The following CDH4 variants were observed in gnomAD, a reference collection of about 807,000 sequenced individuals.
CDH4 encodes the protein cadherin 4, also known as cadherin-4.
Under a neutral mutation model 86.0 loss-of-function variants are expected in CDH4, and 33 were observed. That is an observed-to-expected ratio of 0.38 (90% CI 0.29 to 0.51). The LOEUF (loss-of-function observed/expected upper bound fraction) is 0.51. CDH4 is among the 20% of genes least tolerant of loss of function. The probability of loss-of-function intolerance (pLI) is 0.86; values close to 1 mark genes in which losing one functional copy is unlikely to be tolerated. For missense variants in CDH4, 1,114 were observed against 1,307.4 expected, an observed-to-expected ratio of 0.85 and a Z score of 2.28; for synonymous variants, 555 against 549.4, an observed-to-expected ratio of 1.01 and a Z score of -0.14.
intron 9 of CDH4, among the ~76,000 whole-genome samples, chr20:61,917,374 C>A (rs1316377198): frequency 6.6e-6 from 1 of 152,246 alleles, no homozygotes; most frequent in East Asian, 1.9e-4. Flanking sequence ...CCAGGCTCAT[C>A]CCAGGTTCTT....
At chr20:61,778,914 G>A (rs903635596) in intron 4 of CDH4, among the ~76,000 whole-genome samples, 2 of 152,150 alleles carry the variant, frequency 1.3e-5, no homozygotes, top group Admixed American at 6.5e-5. Context: ...AGCACCATGC[G>A]GGCACTGGGG....
chr20:61,577,703 G>A (rs1211706063), intron 2 of CDH4, among the ~76,000 whole-genome samples: 1 of 152,138 alleles, frequency 6.6e-6, no homozygotes. Flanking sequence ...TGGTTCTATT[G>A]TGTTCCAGAT....
chr20:61,372,483 A>G (rs2084846352), intron 2 of CDH4, among the ~76,000 whole-genome samples: 1 of 152,218 alleles, frequency 6.6e-6, no homozygotes. Context: ...GACCCACCTC[A>G]GGGGCCTGAC....
At chr20:61,437,896 C>G (rs1331965462) in intron 2 of CDH4, among the ~76,000 whole-genome samples, 1 of 152,208 alleles carries the variant, frequency 6.6e-6, no homozygotes, top group South Asian at 2.1e-4. Flanking sequence ...CCTTTTCCAT[C>G]CATCCAGGAA....
At chr20:61,626,611 G>T (rs546064113) in intron 2 of CDH4, among the ~76,000 whole-genome samples, 31 of 152,322 alleles carry the variant, frequency 2.0e-4, no homozygotes, top group Middle Eastern at 3.4e-3. Context: ...CCATTCTGCT[G>T]GGTCAGGCCT....
intron 4 of CDH4, among the ~76,000 whole-genome samples, chr20:61,823,016 A>G (rs1350387736): frequency 6.6e-6 from 1 of 152,194 alleles, no homozygotes; most frequent in Non-Finnish European, 1.5e-5. Context: ...TTAAGGAGTT[A>G]GCTAGGGCGA....
At chr20:61,672,567 A>T (rs2087402228) in intron 2 of CDH4, among the ~76,000 whole-genome samples, 1 of 152,174 alleles carries the variant, frequency 6.6e-6, no homozygotes, top group Non-Finnish European at 1.5e-5. Context: ...TCTGTGAGAA[A>T]TGAGGTGTGA....
chr20:61,418,516 T>A (rs1205188324), intron 2 of CDH4, among the ~76,000 whole-genome samples: 1 of 152,072 alleles, frequency 6.6e-6, no homozygotes, highest in Non-Finnish European at 1.5e-5. Context: ...TGGCCAAACT[T>A]TTTTGACTAA....
rs1273898292 is a variant in CDH4 at position 61,582,234 on chromosome 20, T to C, written c.170-161329T>C. On this transcript the variant is annotated intron_variant, in intron 2 of 15. Transcript: ENST00000614565. The surrounding 1 kb of genome is among the most constrained non-coding windows in gnomAD (Gnocchi z 4.2). ...TTCTTCCTAATGCCGCCTCCCCACCTCCAATCACAGAGGCACACGCGGCTT... is the reference window on the plus strand; with the variant it reads ...TTCTTCCTAATGCCGCCTCCCCACCCCCAATCACAGAGGCACACGCGGCTT... 6.6e-6 allele frequency among the ~76,000 whole-genome samples: 1 copy of C among 152,182 alleles called. No homozygotes were observed. Among genetic ancestry groups the C allele is most frequent in the Non-Finnish European group, 1.5e-5 (1 of 68,012 alleles).
intron 15 of CDH4, among the ~76,000 whole-genome samples, chr20:61,935,705 G>A (rs1196387145): frequency 6.6e-6 from 1 of 151,968 alleles, no homozygotes; most frequent in Non-Finnish European, 1.5e-5. Flanking sequence ...GGCCAACATG[G>A]TGAGACCCCC....
At chr20:61,498,117 T>C (rs2085675586) in intron 2 of CDH4, among the ~76,000 whole-genome samples, 2 of 150,644 alleles carry the variant, frequency 1.3e-5, no homozygotes, top group Admixed American at 6.6e-5. Context: ...AATGACGAGT[T>C]AATGGGTGCA....
In CDH4 at chr20:61,923,523, G is replaced by A. The variant is rs754591258; in HGVS notation, c.1447G>A (p.Gly483Arg). Residue 483 changes from glycine to arginine, a missense_variant, in exon 10 of 16, where the codon GGA becomes AGA. By Grantham distance (125) the Gly-to-Arg change is moderately radical (BLOSUM62 -2). Around this residue, in one of 3 missense-constraint regions of CDH4, gnomAD observed 705 missense variants for 914.1 expected, o/e 0.77. Coordinates refer to ENST00000614565, the MANE Select transcript of CDH4 (RefSeq NM_001794.5). ...GTCCAACCAGGCGCCCCTGGCCAGC[G>A]GAATCCAGATGTCCTTCCAGTCCAC... ...MVSNQAPLAS[G>R]IQMSFQSTAG... 1.7e-5 allele frequency: 27 copies of A among 1,614,202 alleles called. No individual in the cohort carries two copies. Among genetic ancestry groups the A allele is most frequent in the Admixed American group, 6.7e-5 (4 of 60,022 alleles).
chr20:61,726,750 C>G (rs185784747), intron 2 of CDH4, among the ~76,000 whole-genome samples: 1 of 151,740 alleles, frequency 6.6e-6, no homozygotes, highest in Non-Finnish European at 1.5e-5. Flanking sequence ...CTGCCATCAT[C>G]GTCACCATCG....
At position 61,417,509 on chromosome 20, in the gene CDH4, A is replaced by G. The variant is rs1048855995; in HGVS notation, c.169+162572A>G. Among the ~76,000 whole-genome samples the G allele has an allele frequency of 1.3e-5, 2 of 152,172 alleles. No individual in the cohort carries two copies. The highest frequency in any genetic ancestry group is 1.5e-5 in the Non-Finnish European group (1 of 68,022). On this transcript the variant is annotated intron_variant, in intron 2 of 15. Coordinates refer to ENST00000614565, the MANE Select transcript of CDH4 (RefSeq NM_001794.5). This position sits in a 1 kb window ranked among gnomAD's most constrained non-coding sequence, Gnocchi z 4.0. ...TTGGGTCCGGAGTTGGGAGTTGGGA[A>G]TCGGGCCATCGGAACATCTCCCCTT... is the stretch of plus-strand genomic sequence containing the variant.
chr20:61,602,860 T>C (rs1038672853), intron 2 of CDH4, among the ~76,000 whole-genome samples: 6 of 152,208 alleles, frequency 3.9e-5, no homozygotes, highest in African/African-American at 1.2e-4. Context: ...GGGCATTTAC[T>C]TGATGAACGT....
intron 2 of CDH4, among the ~76,000 whole-genome samples, chr20:61,387,376 A>T (rs1381883428): frequency 3.3e-5 from 5 of 152,088 alleles, no homozygotes; most frequent in African/African-American, 1.2e-4. Context: ...ACACACAGCC[A>T]CACAAACATA....
chr20:61,565,892 G>A (rs1399907674), intron 2 of CDH4, among the ~76,000 whole-genome samples: 1 of 152,086 alleles, frequency 6.6e-6, no homozygotes. Flanking sequence ...CTGGGGTGAG[G>A]GTGTCTGCAT....
At chr20:61,794,060 G>A (rs536558101) in intron 4 of CDH4, among the ~76,000 whole-genome samples, 122 of 143,148 alleles carry the variant, frequency 8.5e-4, no homozygotes, top group African/African-American at 2.9e-3. Context: ...GGAGAATGGC[G>A]TGAACCTGGG....
chr20:61,562,757 T>A (rs2086230113), intron 2 of CDH4, among the ~76,000 whole-genome samples: 1 of 152,266 alleles, frequency 6.6e-6, no homozygotes, highest in African/African-American at 2.4e-5. Flanking sequence ...TAAGGGCTTT[T>A]AAGCTTTAAT....
Sources: allele counts gnomAD v4.1 joint callset (sites outside exome capture counted in the v4.1 genomes callset), GRCh38; gene constraint gnomAD v4.1.1; regional missense constraint gnomAD v4.1.1; non-coding constraint Gnocchi (gnomAD v3.1); transcripts MANE v1.5; gene names NCBI Gene and HGNC (gene_info 2026-07-23, HGNC 2026-07-21).